The following EXT2 variants were observed in gnomAD, a reference collection of about 807,000 sequenced individuals.
EXT2 encodes the protein exostosin glycosyltransferase 2, also known as exostosin-2.
EXT2 carries 53 observed loss-of-function variants against 81.6 expected under a neutral mutation model. The observed-to-expected ratio is 0.65, with a 90% CI of 0.52 to 0.82. The LOEUF (loss-of-function observed/expected upper bound fraction) is 0.82. Ranked by LOEUF, EXT2 falls within the 40% of genes least tolerant of loss-of-function variation. The pLI is 0.00. For synonymous variants in EXT2, 320 were observed against 340.0 expected (o/e 0.94, Z 0.65); for missense variants, 774 against 910.2 (o/e 0.85, Z 1.93).
At chr11:44,170,491 A>G (rs916816905) in intron 7 of EXT2, among the ~76,000 whole-genome samples, 6 of 152,174 alleles carry the variant, frequency 3.9e-5, no homozygotes, top group African/African-American at 1.2e-4. Flanking sequence ...AATAGAAAGA[A>G]TTATGTTGTG....
intron 4 of EXT2, among the ~76,000 whole-genome samples, chr11:44,118,970 T>C (rs533338388): frequency 6.6e-6 from 1 of 151,344 alleles, no homozygotes; most frequent in Admixed American, 6.6e-5. Flanking sequence ...CTCCTAAAGT[T>C]GTTCTGGAAA....
At chr11:44,216,506 G>T (rs1464351714) in intron 10 of EXT2, among the ~76,000 whole-genome samples, 2 of 152,166 alleles carry the variant, frequency 1.3e-5, no homozygotes, top group Non-Finnish European at 2.9e-5. Context: ...TTATTTTAAT[G>T]GAGGAGAGAG....
At chr11:44,217,469 A>T (rs973835858) in intron 10 of EXT2, among the ~76,000 whole-genome samples, 4 of 152,200 alleles carry the variant, frequency 2.6e-5, no homozygotes, top group African/African-American at 9.7e-5. Flanking sequence ...CCCTGAAATC[A>T]GGAGCTAGGA....
Position 44,234,196 on chromosome 11 carries a change from G to A in EXT2, c.1888G>A (p.Ala630Thr), listed in dbSNP as rs543397964. ...VDAHMNCEDI[A>T]MNFLVANVTG... ...TGCTCATATGAACTGTGAAGATATT[G>A]CCATGAACTTCCTGGTGGCCAACGT... is the stretch of plus-strand genomic sequence containing the variant. Residue 630 changes from alanine (A) to threonine (T), a missense_variant, in exon 12 of 14, where the codon GCC becomes ACC. Transcript: ENST00000533608. 2 of 1,614,146 alleles carry A rather than the reference G, an allele frequency of 1.2e-6. No individual in the cohort carries two copies. Among genetic ancestry groups the A allele is most frequent in the East Asian group, 2.2e-5 (1 of 44,880 alleles).
At position 44,127,244 on chromosome 11, in the gene EXT2, C is replaced by A. The variant is rs546554900; in HGVS notation, c.1079+289C>A. Among the ~76,000 whole-genome samples, 12 of 152,228 alleles carry A rather than the reference C, an allele frequency of 7.9e-5. No individual in the cohort carries two copies. The East Asian group carries it at 1.7e-3, about 22-fold the overall frequency. ...TCACATTGGTAGAGTTAAGTAATTGCAACAGAAATTGGATGACATACAGGG... is the reference window on the plus strand; with the variant it reads ...TCACATTGGTAGAGTTAAGTAATTGAAACAGAAATTGGATGACATACAGGG... On this transcript the variant is annotated intron_variant, in intron 6 of 13. Coordinates refer to ENST00000533608, the MANE Select transcript of EXT2 (RefSeq NM_207122.2).
chr11:44,096,462 G>C, intron 1 of EXT2: 2 of 822,280 alleles, frequency 2.4e-6, no homozygotes, highest in Non-Finnish European at 3.8e-6. Flanking sequence ...GTTGGGCCAG[G>C]CACTAGGTGG....
intron 8 of EXT2, among the ~76,000 whole-genome samples, chr11:44,186,317 A>G (rs983183378): frequency 6.6e-6 from 1 of 152,234 alleles, no homozygotes; most frequent in Admixed American, 6.5e-5. Context: ...AAGTATCAGC[A>G]TATGGAACCC....
chr11:44,145,017 G>A (rs1239605294), intron 7 of EXT2, among the ~76,000 whole-genome samples: 1 of 152,130 alleles, frequency 6.6e-6, no homozygotes, highest in East Asian at 1.9e-4. Flanking sequence ...AGTTGTGAGA[G>A]AGCCCGGCTG....
At chr11:44,169,724 AT>A (rs1012318047) in intron 7 of EXT2, among the ~76,000 whole-genome samples, 2 of 151,362 alleles carry the variant, frequency 1.3e-5, no homozygotes, top group Non-Finnish European at 3.0e-5. Context: ...CAGATTTCAG[AT>A]TTTTTTTTAG....
At chr11:44,101,492 T>C (rs563983975) in intron 1 of EXT2, among the ~76,000 whole-genome samples, 4 of 152,328 alleles carry the variant, frequency 2.6e-5, no homozygotes, top group Admixed American at 6.5e-5. Context: ...TAAAATGTCA[T>C]AGTGCTAAGG....
intron 10 of EXT2, among the ~76,000 whole-genome samples, chr11:44,210,569 G>C (rs78584447): frequency 0.019 from 2,885 of 152,144 alleles, 95 homozygotes; most frequent in African/African-American, 0.065. Flanking sequence ...AAATGGATAT[G>C]TTCATTATTT....
intron 7 of EXT2, among the ~76,000 whole-genome samples, chr11:44,165,231 A>T (rs1485902113): frequency 6.6e-6 from 1 of 152,220 alleles, no homozygotes; most frequent in African/African-American, 2.4e-5. Context: ...AGAAAAAGCC[A>T]TAATAAGCAC....
At chr11:44,163,796 A>G (rs973231524) in intron 7 of EXT2, among the ~76,000 whole-genome samples, 5 of 152,152 alleles carry the variant, frequency 3.3e-5, no homozygotes, top group Non-Finnish European at 7.3e-5. Context: ...CTGTTTCTTA[A>G]ACTTCTTGAG....
Position 44,099,957 on chromosome 11 carries a change from G to A in EXT2, c.-31+4105G>A, listed in dbSNP as rs60959446. ...ATGTGTGGGAGTTCGCTTAGCTTGT[G>A]TCGACACACTTCACAAGCATGGAGG... On this transcript the variant is annotated intron_variant, in intron 1 of 13. Coordinates refer to ENST00000533608, the MANE Select transcript of EXT2 (RefSeq NM_207122.2). Among the ~76,000 whole-genome samples, 1,103 of 152,228 alleles carry A rather than the reference G, an allele frequency of 7.2e-3. 15 individuals are homozygous for A. The highest frequency in any genetic ancestry group is 0.025 in the African/African-American group (1,037 of 41,536).
chr11:44,180,018 T>A (rs1187269413), intron 8 of EXT2, among the ~76,000 whole-genome samples: 4 of 152,252 alleles, frequency 2.6e-5, no homozygotes, highest in Non-Finnish European at 5.9e-5. Flanking sequence ...CTTTTGGCTC[T>A]CCCTTTTTTT....
rs372517964 is a variant in EXT2, at chr11:44,232,507, G to A, written c.1806+11G>A. ...GCTTTTTATCACAAGGTAAGGGGGC[G>A]CAGTCCTGGCAAGGTGACAAAACTG... On this transcript the variant is annotated intron_variant, in intron 11 of 13. Coordinates refer to ENST00000533608, the MANE Select transcript of EXT2 (RefSeq NM_207122.2). 267 of 1,613,540 alleles carry A rather than the reference G, an allele frequency of 1.7e-4. 1 individual carries two copies. The highest frequency in any genetic ancestry group is 1.2e-3 in the East Asian group (54 of 44,862).
intron 13 of EXT2, among the ~76,000 whole-genome samples, chr11:44,237,902 TAAA>T (rs374084527): frequency 1.6e-4 from 9 of 56,378 alleles, no homozygotes; most frequent in Admixed American, 7.1e-4. Context: ...CGTCTCTACT[TAAA>T]AAAAAAAAAA....
At chr11:44,097,808 T>G (rs1184587938) in intron 1 of EXT2, among the ~76,000 whole-genome samples, 1 of 150,638 alleles carries the variant, frequency 6.6e-6, no homozygotes, top group Non-Finnish European at 1.5e-5. Flanking sequence ...AAAATAAAAA[T>G]AAAAAGGTTG....
intron 13 of EXT2, among the ~76,000 whole-genome samples, chr11:44,238,137 T>C (rs1454306070): frequency 6.6e-6 from 1 of 152,078 alleles, no homozygotes; most frequent in Non-Finnish European, 1.5e-5. Context: ...ATAATTATTA[T>C]TAAACACTGG....
Sources: gnomAD v4.1 joint callset for allele counts (sites outside exome capture counted in the v4.1 genomes callset) on GRCh38, gnomAD v4.1.1 for gene constraint, MANE v1.5 for transcripts, NCBI Gene and HGNC (gene_info 2026-07-23, HGNC 2026-07-21) for gene names.